NFATC1: variants seen among roughly 807,000 people sequenced by gnomAD.
The protein encoded by NFATC1 is nuclear factor of activated T cells 1.
In NFATC1, 22 loss-of-function variants were observed where a neutral mutation model predicts 76.0. The observed-to-expected ratio is 0.29, with a 90% confidence interval of 0.21 to 0.41. NFATC1 has a LOEUF of 0.41. NFATC1 is among the 10% of genes least tolerant of loss of function. The pLI, the probability that NFATC1 is intolerant of heterozygous loss-of-function variation, is 1.00. For missense variants in NFATC1, 1,357 were observed against 1,337.7 expected (o/e 1.01, Z -0.23); for synonymous variants, 704 against 613.1 (o/e 1.15, Z -2.19).
chr18:79,444,974 C>T (rs543086212), intron 3 of NFATC1, among the ~76,000 whole-genome samples: 3 of 152,340 alleles, frequency 2.0e-5, no homozygotes, highest in South Asian at 2.1e-4. Flanking sequence ...GAAATCACAC[C>T]GGCAGCCTGT....
At chr18:79,449,824 G>A (rs1385803267) in intron 4 of NFATC1, among the ~76,000 whole-genome samples, 1 of 152,182 alleles carries the variant, frequency 6.6e-6, no homozygotes, top group African/African-American at 2.4e-5. Context: ...AGTCCCGCAC[G>A]GTGAGGGAGA....
chr18:79,412,442 T>G (rs887936314), intron 2 of NFATC1, among the ~76,000 whole-genome samples: 10 of 151,510 alleles, frequency 6.6e-5, no homozygotes, highest in African/African-American at 1.5e-4. Context: ...TTTGTTTTTT[T>G]TTTTTTTTCG....
chr18:79,469,164 A>G (rs1039196912), intron 8 of NFATC1: 2 of 299,626 alleles, frequency 6.7e-6, no homozygotes, highest in Non-Finnish European at 9.8e-6. Flanking sequence ...TATCTTACAG[A>G]AGAAAATATT....
chr18:79,425,451 C>T (rs564322081), intron 2 of NFATC1, among the ~76,000 whole-genome samples: 30 of 152,320 alleles, frequency 2.0e-4, no homozygotes, highest in Admixed American at 1.6e-3. Flanking sequence ...GTGGCCCTGC[C>T]GAGTTCAGAG....
chr18:79,505,815 C>T (rs1222169863), intron 9 of NFATC1, among the ~76,000 whole-genome samples: 3 of 103,170 alleles, frequency 2.9e-5, no homozygotes, highest in Non-Finnish European at 5.7e-5. Context: ...GGAGGTGGTG[C>T]TGGAGGCCCT....
intron 1 of NFATC1, among the ~76,000 whole-genome samples, chr18:79,403,376 G>T (rs1170464708): frequency 1.3e-5 from 2 of 152,260 alleles, no homozygotes; most frequent in African/African-American, 4.8e-5. Flanking sequence ...TGGGAGTGGC[G>T]TTTGGGCTTC....
intron 9 of NFATC1, among the ~76,000 whole-genome samples, chr18:79,522,118 G>A: frequency 1.0e-5 from 1 of 97,352 alleles, no homozygotes; most frequent in Non-Finnish European, 2.0e-5. Flanking sequence ...TTTGTTTTGT[G>A]TATGGGGAGG....
chr18:79,493,651 C>G (rs111481066), intron 9 of NFATC1: 1 of 151,464 alleles, frequency 6.6e-6, no homozygotes, highest in South Asian at 2.1e-4. Flanking sequence ...GAGAAGCTCC[C>G]TTCGTGGAAA....
intron 6 of NFATC1, among the ~76,000 whole-genome samples, chr18:79,453,550 C>G (rs565467326): frequency 1.2e-4 from 18 of 152,326 alleles, no homozygotes; most frequent in African/African-American, 4.3e-4. Flanking sequence ...CGGAGGGGTA[C>G]CTGTTCTGCC....
intron 8 of NFATC1, among the ~76,000 whole-genome samples, chr18:79,474,209 T>G (rs140439280): frequency 3.8e-5 from 1 of 26,016 alleles, no homozygotes; most frequent in Non-Finnish European, 1.0e-4. Context: ...CGTGTTCTCA[T>G]GCTCACTGTC....
intron 1 of NFATC1, among the ~76,000 whole-genome samples, chr18:79,398,998 C>T (rs1374146286): frequency 1.2e-4 from 19 of 152,218 alleles, no homozygotes; most frequent in Admixed American, 9.8e-4. Context: ...ACTCGGAAGG[C>T]GGAGGTTGCA....
At position 79,410,200 on chromosome 18, in the gene NFATC1, C is replaced by G; in HGVS notation, c.128-203C>G. The G allele has an allele frequency of 1.2e-6, 1 of 822,034 alleles. No homozygotes were observed. Among genetic ancestry groups the G allele is most frequent in the Non-Finnish European group, 2.0e-6 (1 of 490,344 alleles). The allele number at this position is 822,034 out of a possible 1,614,324, so 50.9% of individuals were successfully genotyped here. Reference sequence around the variant, plus strand: ...GTGGGCAGTGAGGGGCTCACGGGAGCCTTGTTGGCCAGGTGGGACTGGGGC... The same window carrying G: ...GTGGGCAGTGAGGGGCTCACGGGAGGCTTGTTGGCCAGGTGGGACTGGGGC... On this transcript the variant is annotated intron_variant, in intron 1 of 9. Coordinates refer to ENST00000427363, the MANE Select transcript of NFATC1 (RefSeq NM_001278669.2). The surrounding 1 kb of genome is among the most constrained non-coding windows in gnomAD (Gnocchi z 6.7).
chr18:79,477,616 A>G (rs1024124336), intron 8 of NFATC1, among the ~76,000 whole-genome samples: 1 of 146,306 alleles, frequency 6.8e-6, no homozygotes, highest in African/African-American at 2.6e-5. Context: ...GGGCTTCCAT[A>G]GTGGAGCACC....
intron 1 of NFATC1, chr18:79,400,367 C>CGCCCCG (rs749710747): frequency 0.55 from 780,290 of 1,429,732 alleles, 214,408 homozygotes; most frequent in Middle Eastern, 0.6. Context: ...CCCCGGCTCC[C>CGCCCCG]GCCCCGGCCC....
chr18:79,447,445 A>G (rs2087258410), intron 3 of NFATC1, among the ~76,000 whole-genome samples: 1 of 152,260 alleles, frequency 6.6e-6, no homozygotes, highest in Non-Finnish European at 1.5e-5. Context: ...GTCTGTGGTC[A>G]AAGATTTTAA....
intron 9 of NFATC1, among the ~76,000 whole-genome samples, chr18:79,516,367 T>C (rs1425348344): frequency 1.3e-5 from 2 of 152,218 alleles, no homozygotes; most frequent in Admixed American, 6.5e-5. Context: ...ACTTGAGAAC[T>C]TACTTTTTAA....
At chr18:79,473,901 C>T (rs1282481320) in intron 8 of NFATC1, among the ~76,000 whole-genome samples, 3 of 143,336 alleles carry the variant, frequency 2.1e-5, no homozygotes, top group African/African-American at 5.3e-5. Context: ...TCACTGTCGA[C>T]GTTGTGAGGG....
chr18:79,502,093 C>T (rs1041356550), intron 9 of NFATC1, among the ~76,000 whole-genome samples: 2 of 152,196 alleles, frequency 1.3e-5, no homozygotes, highest in African/African-American at 2.4e-5. Context: ...AGTTACACTT[C>T]GCAATTTCAG....
chr18:79,494,892 G>C (rs868776612), intron 9 of NFATC1, among the ~76,000 whole-genome samples: 29 of 104,894 alleles, frequency 2.8e-4, no homozygotes, highest in East Asian at 2.9e-4. Context: ...CGCCCCCCAT[G>C]AACCTGGTAC....
Sources: gnomAD v4.1 joint callset for allele counts (sites outside exome capture counted in the v4.1 genomes callset) on GRCh38, gnomAD v4.1.1 for gene constraint, Gnocchi (gnomAD v3.1) non-coding constraint, MANE v1.5 for transcripts, NCBI Gene and HGNC (gene_info 2026-07-23, HGNC 2026-07-21) for gene names.